Variants in HMCN1 observed in about 807,000 individuals in gnomAD.
HMCN1 encodes the protein hemicentin 1, also known as hemicentin-1.
HMCN1 carries 321 observed loss-of-function variants against 625.9 expected under a neutral mutation model. That is an observed-to-expected ratio of 0.51 (90% CI 0.47 to 0.56). The LOEUF (loss-of-function observed/expected upper bound fraction) is 0.56, where lower values mean the gene tolerates loss of function less well. Ranked by LOEUF, HMCN1 falls within the 20% of genes least tolerant of loss-of-function variation. The pLI is 0.00. For synonymous variants in HMCN1, 2,425 were observed against 2,417.6 expected, an observed-to-expected ratio of 1.00 and a Z score of -0.09; for missense variants, 6,588 against 6,887.3, an observed-to-expected ratio of 0.96 and a Z score of 1.54.
At chr1:185,887,502 C>T (rs887661638) in intron 4 of HMCN1, among the ~76,000 whole-genome samples, 4 of 150,900 alleles carry the variant, frequency 2.7e-5, no homozygotes, top group African/African-American at 9.8e-5. Context: ...TTTCCCCTTC[C>T]TGTGTCCATG....
At chr1:186,001,509 T>C in intron 27 of HMCN1, 81 bp downstream of exon 27, 1 of 1,594,422 alleles carries the variant, frequency 6.3e-7, no homozygotes, top group South Asian at 1.1e-5. Context: ...TTCTTACTAC[T>C]AATAATATAA....
chr1:185,920,252 AACCAGTGTT>A (rs769676236), intron 6 of HMCN1, among the ~76,000 whole-genome samples: 1 of 151,088 alleles, frequency 6.6e-6, no homozygotes, highest in Non-Finnish European at 1.5e-5. Context: ...TGTATGTTTA[AACCAGTGTT>A]AGTTTATTTG....
chr1:185,885,763 A>G (rs1184760008), intron 4 of HMCN1, among the ~76,000 whole-genome samples: 1 of 152,048 alleles, frequency 6.6e-6, no homozygotes, highest in African/African-American at 2.4e-5. Context: ...TTAATTATCT[A>G]CCCTGAATAA....
At chr1:185,789,381 T>C (rs1224652887) in intron 1 of HMCN1, among the ~76,000 whole-genome samples, 2 of 152,190 alleles carry the variant, frequency 1.3e-5, no homozygotes, top group African/African-American at 2.4e-5. Flanking sequence ...TAACATGACA[T>C]GGTATTCATA....
intron 23 of HMCN1, among the ~76,000 whole-genome samples, 176 bp from the exon 24 acceptor site, chr1:185,994,639 G>A (rs756683820): frequency 6.6e-6 from 1 of 152,086 alleles, no homozygotes; most frequent in Non-Finnish European, 1.5e-5. Flanking sequence ...CAGGCCTCAG[G>A]AAGTTTACTG....
At chr1:186,010,455 C>T (rs759874135) in intron 30 of HMCN1, among the ~76,000 whole-genome samples, 4 of 152,068 alleles carry the variant, frequency 2.6e-5, no homozygotes, top group South Asian at 2.1e-4. Flanking sequence ...TTCTCATTTT[C>T]GTAAATACAA....
rs766084797 is a variant in HMCN1, at chr1:186,130,517, C to T, written c.13050C>T (p.Val4350=). 5.0e-6 allele frequency: 8 copies of T among 1,613,174 alleles called. No individual in the cohort carries two copies. The highest frequency in any genetic ancestry group is 1.7e-4 in the Middle Eastern group (1 of 6,048). The change falls in exon 85 of 107, where the codon GTC becomes GTT. Residue 4350 remains valine (V), a synonymous_variant. Transcript: ENST00000271588. ...TATGTTGTTTTCCAGAACCTCCAGT[C>T]TTCAAAGGTGATTATCCTTCTAACT... ...IGFVYVKEPP[V]FKGDYPSNWI...
At chr1:185,866,079 G>T (rs1663172777) in intron 4 of HMCN1, among the ~76,000 whole-genome samples, 1 of 152,060 alleles carries the variant, frequency 6.6e-6, no homozygotes, top group Non-Finnish European at 1.5e-5. Context: ...GCAACAAACT[G>T]CTAAATTTAA....
In HMCN1 at chr1:185,766,728, C is replaced by T. The variant is rs1009624514; in HGVS notation, c.268+31681C>T. Among the ~76,000 whole-genome samples, 6 of 151,912 alleles carry T rather than the reference C, an allele frequency of 3.9e-5. No homozygotes were observed. In the South Asian group the frequency reaches 1.3e-3, roughly 32 times the overall value. On this transcript the variant is annotated intron_variant, in intron 1 of 106. Transcript: ENST00000271588. ...GTGTGTGGTAGAAGGAAATGCTAGT[C>T]CTAAGCCTCCGAGAATTCCCAAATA...
intron 1 of HMCN1, among the ~76,000 whole-genome samples, chr1:185,762,217 AG>A (rs1168804336): frequency 2.0e-5 from 3 of 152,184 alleles, no homozygotes; most frequent in Non-Finnish European, 4.4e-5. Context: ...TACTTTTCAA[AG>A]GGGGCTGCCT....
rs577267279 is a variant in HMCN1, at chr1:186,123,049, A to G, written c.12328A>G (p.Ile4110Val). 22 of 1,614,146 alleles carry G rather than the reference A, an allele frequency of 1.4e-5. No homozygotes were observed. Among genetic ancestry groups the G allele is most frequent in the Middle Eastern group, 1.7e-4 (1 of 6,060 alleles). Reference protein sequence around the residue: ...CEADGLPPPDITWHKDGRAIV... With the variant: ...CEADGLPPPDVTWHKDGRAIV... Reference sequence around the variant, plus strand: ...AGCAGATGGCCTCCCTCCGCCTGACATTACATGGCATAAAGATGGGCGTGC... The same window carrying G: ...AGCAGATGGCCTCCCTCCGCCTGACGTTACATGGCATAAAGATGGGCGTGC... The change falls in exon 81 of 107, where the codon ATT becomes GTT. Residue 4110 changes from isoleucine (I) to valine (V), a missense_variant. By Grantham distance (29) the Ile-to-Val change is conservative. Transcript: ENST00000271588.
chr1:185,855,517 AT>A (rs1230045204), intron 2 of HMCN1, among the ~76,000 whole-genome samples: 1 of 151,886 alleles, frequency 6.6e-6, no homozygotes, highest in Non-Finnish European at 1.5e-5. Context: ...GAAACTTTTG[AT>A]TTTTTTTAAT....
chr1:186,136,294 CTTG>C (rs2102532059), intron 86 of HMCN1, among the ~76,000 whole-genome samples: 1 of 152,202 alleles, frequency 6.6e-6, no homozygotes, highest in African/African-American at 2.4e-5. Context: ...GTGTGCTTAC[CTTG>C]TTCAAAAGTT....
At chr1:185,805,257 C>T (rs1659089765) in intron 1 of HMCN1, among the ~76,000 whole-genome samples, 1 of 152,148 alleles carries the variant, frequency 6.6e-6, no homozygotes, top group Non-Finnish European at 1.5e-5. Flanking sequence ...GAATTTGCAA[C>T]ATTTTAAATT....
chr1:186,135,195 G>A (rs900332714), intron 86 of HMCN1, among the ~76,000 whole-genome samples: 1 of 152,174 alleles, frequency 6.6e-6, no homozygotes, highest in African/African-American at 2.4e-5. Context: ...GTTGCATGCA[G>A]TTCCTTTTAC....
At chr1:186,108,422 A>G (rs1660722376) in intron 70 of HMCN1, 39 bp from the exon 71 acceptor site, 1 of 1,613,892 alleles carries the variant, frequency 6.2e-7, no homozygotes, top group Admixed American at 1.7e-5. Context: ...TACCTATGAT[A>G]ATACAGATTG....
intron 1 of HMCN1, among the ~76,000 whole-genome samples, chr1:185,825,315 T>C (rs1373807603): frequency 6.6e-6 from 1 of 152,198 alleles, no homozygotes; most frequent in Admixed American, 6.5e-5. Context: ...GTGCTTTTTC[T>C]ATTATGTCTG....
chr1:185,955,199 C>G (rs961383234), intron 11 of HMCN1, among the ~76,000 whole-genome samples: 1 of 152,112 alleles, frequency 6.6e-6, no homozygotes, highest in African/African-American at 2.4e-5. Context: ...CCATCTTCCA[C>G]TGGGCAACCG....
intron 42 of HMCN1, among the ~76,000 whole-genome samples, chr1:186,052,571 A>T (rs566494116): frequency 6.6e-6 from 1 of 152,198 alleles, no homozygotes; most frequent in African/African-American, 2.4e-5. Flanking sequence ...TATCAAAGCT[A>T]GCTAGGCAAC....
Sources: gnomAD v4.1 joint callset for allele counts (sites outside exome capture counted in the v4.1 genomes callset) on GRCh38, gnomAD v4.1.1 for gene constraint, MANE v1.5 for transcripts, NCBI Gene and HGNC (gene_info 2026-07-23, HGNC 2026-07-21) for gene names.